Variants in ADAM17 observed in about 807,000 individuals in gnomAD.
ADAM17 encodes disintegrin and metalloproteinase domain-containing protein 17.
Under a neutral mutation model 96.7 loss-of-function variants are expected in ADAM17, and 39 were observed. The ratio of observed to expected loss-of-function variants is 0.40; its 90% confidence interval spans 0.31 to 0.53. The LOEUF is 0.53. Among genes scored for constraint, ADAM17 ranks in the 20% least tolerant of loss-of-function variants. The pLI is 0.44. For missense variants in ADAM17, 777 were observed against 1,013.2 expected (o/e 0.77, Z 3.17); for synonymous variants, 344 against 359.2 (o/e 0.96, Z 0.48).
intron 1 of ADAM17, among the ~76,000 whole-genome samples, chr2:9,553,037 T>C (rs1035860077): frequency 6.6e-6 from 1 of 152,076 alleles, no homozygotes; most frequent in Non-Finnish European, 1.5e-5. Flanking sequence ...TAAGGTTAAG[T>C]AACAAATTAT....
chr2:9,514,549 AT>A (rs1358691293), intron 10 of ADAM17, among the ~76,000 whole-genome samples: 4 of 96,956 alleles, frequency 4.1e-5, no homozygotes, highest in South Asian at 3.4e-4. Flanking sequence ...ATATATATAT[AT>A]ATATATATAT....
Position 9,517,946 on chromosome 2 carries a change from A to G in ADAM17, c.1146T>C (p.Ser382=), listed in dbSNP as rs1347846023. The change falls in exon 10 of 19, where the codon AGT becomes AGC. Residue 382 remains serine (S), a synonymous_variant. Coordinates refer to ENST00000310823, the MANE Select transcript of ADAM17 (RefSeq NM_003183.6). ...PVGKKNIYLN[S]GLTSTKNYGK... ...CATAATTCTTTGTGCTCGTCAAACC[A>G]CTATTCAAATAGATATTTTTCTTCC... 1 of 1,604,780 alleles carries G rather than the reference A, an allele frequency of 6.2e-7. No individual in the cohort carries two copies. Among genetic ancestry groups the G allele is most frequent in the East Asian group, 2.2e-5 (1 of 44,728 alleles).
In ADAM17 at chr2:9,490,043, CA is replaced by C; in HGVS notation, c.*133del. 2 of 808,250 alleles carry C rather than the reference CA, an allele frequency of 2.5e-6. No individual in the cohort carries two copies. Among genetic ancestry groups the C allele is most frequent in the South Asian group, 2.0e-5 (1 of 49,998 alleles). 50.1% of individuals were successfully genotyped at this position (808,250 alleles called of 1,614,324 possible). A position where few individuals can be genotyped will look rare whatever the true frequency, so the allele number is the denominator to read the frequency against. The stretch of plus-strand genomic sequence containing the variant: ...AAACCACACAAGAACTGTTTACCTG[CA>C]GGAAGTTCAAACACATGACCAGCAT... On this transcript the variant is annotated 3_prime_UTR_variant, in exon 19 of 19. Coordinates refer to ENST00000310823, the MANE Select transcript of ADAM17 (RefSeq NM_003183.6).
At chr2:9,552,116 G>A (rs770291940) in intron 1 of ADAM17, among the ~76,000 whole-genome samples, 4 of 152,154 alleles carry the variant, frequency 2.6e-5, no homozygotes, top group Non-Finnish European at 5.9e-5. Context: ...TTACCTCAAT[G>A]AAGCCCATTC....
Position 9,536,704 on chromosome 2 carries a change from C to T in ADAM17, c.355G>A (p.Val119Met), listed in dbSNP as rs911483021. Residue 119 changes from valine (V) to methionine (M), a missense_variant, in exon 3 of 19, where the codon GTG becomes ATG. Val to Met is a conservative substitution (Grantham distance 21). Around this residue, in one of 3 missense-constraint regions of ADAM17, gnomAD observed 446 missense variants for 664.7 expected, o/e 0.67. Coordinates refer to ENST00000310823, the MANE Select transcript of ADAM17 (RefSeq NM_003183.6). ...CAACAAGCTCCATACTAACCAACCACGTGTCCAGTGAAGAAGTCCTGCCAT... is the reference window on the plus strand; with the variant it reads ...CAACAAGCTCCATACTAACCAACCATGTGTCCAGTGAAGAAGTCCTGCCAT... The part of the protein sequence containing the change: ...VKWQDFFTGH[V>M]VGEPDSRVLA... The T allele has an allele frequency of 4.3e-6, 7 of 1,613,850 alleles. No homozygotes were observed. The highest frequency in any genetic ancestry group is 4.0e-5 in the African/African-American group (3 of 74,890).
chr2:9,514,522 T>TAA (rs1420848241), intron 10 of ADAM17, among the ~76,000 whole-genome samples: 19 of 3,952 alleles, frequency 4.8e-3, no homozygotes, highest in African/African-American at 0.025. Context: ...AATATAAATA[T>TAA]ATATATATAT....
intron 2 of ADAM17, among the ~76,000 whole-genome samples, chr2:9,542,606 G>T (rs74370683): frequency 0.01 from 1,544 of 151,928 alleles, 24 homozygotes; most frequent in African/African-American, 0.036. Flanking sequence ...TTTAAATTAT[G>T]TTAGAATTTT....
intron 6 of ADAM17, among the ~76,000 whole-genome samples, chr2:9,524,701 G>A (rs1055806103): frequency 6.6e-6 from 1 of 152,116 alleles, no homozygotes; most frequent in Non-Finnish European, 1.5e-5. Flanking sequence ...ACCCCAAAAA[G>A]TTCAGCACTG....
At chr2:9,530,067 ATTATATGCATATACATC>A (rs1053714011) in intron 4 of ADAM17, among the ~76,000 whole-genome samples, 1 of 152,204 alleles carries the variant, frequency 6.6e-6, no homozygotes, top group Non-Finnish European at 1.5e-5. Context: ...ACTGTTAAAT[ATTATATGCATATACATC>A]TTTGGTAATC....
At chr2:9,555,370 C>A (rs527627488) in intron 1 of ADAM17, 139 bp downstream of exon 1, 16 of 642,910 alleles carry the variant, frequency 2.5e-5, no homozygotes, top group Middle Eastern at 4.4e-4. Context: ...AGCCACACCC[C>A]CTTCTACACT....
intron 8 of ADAM17, among the ~76,000 whole-genome samples, chr2:9,520,288 A>C (rs1664252549): frequency 6.6e-6 from 1 of 152,240 alleles, no homozygotes; most frequent in African/African-American, 2.4e-5. Flanking sequence ...AAGTCATTCT[A>C]CACCAAAGTA....
intron 15 of ADAM17, 31 bp downstream of exon 15, chr2:9,494,606 G>A (rs1662420251): frequency 1.9e-6 from 3 of 1,607,676 alleles, no homozygotes; most frequent in Non-Finnish European, 2.5e-6. Context: ...CTATCTGGCT[G>A]TTACAGAAAA....
rs760026389 is a variant in ADAM17 at position 9,510,070 on chromosome 2, T to C, written c.1253A>G (p.Asp418Gly). 4.3e-6 allele frequency: 7 copies of C among 1,614,050 alleles called. No homozygotes were observed. The South Asian group carries it at 7.7e-5, about 18-fold the overall frequency. Reference protein sequence around the residue: ...GHNFGAEHDPDGLAECAPNED... With the variant: ...GHNFGAEHDPGGLAECAPNED... ...ATTCGGGGCACATTCTGCTAGACCA[T>C]CCGGATCATGTTCTGCTCCAAAATT... The change falls in exon 11 of 19, where the codon GAT becomes GGT. Residue 418 changes from aspartate (D) to glycine (G), a missense_variant. Physicochemically the swap from Asp to Gly is moderately conservative, Grantham distance 94. This residue lies in a region of ADAM17 where 446 missense variants were observed against 664.7 expected (regional missense o/e 0.67). Transcript: ENST00000310823.
At chr2:9,520,729 C>T (rs13034620) in intron 8 of ADAM17, among the ~76,000 whole-genome samples, 23,751 of 151,706 alleles carry the variant, frequency 0.16, 1,980 homozygotes, top group African/African-American at 0.2. Context: ...TTTGGGAGGC[C>T]GAGGCAGACG....
intron 9 of ADAM17, 39 bp downstream of exon 9, chr2:9,518,064 T>A (rs1361213057): frequency 6.3e-7 from 1 of 1,575,396 alleles, no homozygotes; most frequent in Non-Finnish European, 8.6e-7. Flanking sequence ...ATCTTAATAA[T>A]CCCAGCAGCA....
At chr2:9,501,837 G>GGT (rs1663025056) in intron 13 of ADAM17, among the ~76,000 whole-genome samples, 1 of 151,870 alleles carries the variant, frequency 6.6e-6, no homozygotes, top group Admixed American at 6.6e-5. Flanking sequence ...GTAAATTTAA[G>GGT]GTAGAATATC....
At chr2:9,516,414 CTT>C (rs1459774930) in intron 10 of ADAM17, among the ~76,000 whole-genome samples, 1 of 152,058 alleles carries the variant, frequency 6.6e-6, no homozygotes, top group East Asian at 1.9e-4. Flanking sequence ...AGATAGCAGT[CTT>C]TTCTCAGATG....
At chr2:9,543,825 T>C (rs918666998) in intron 1 of ADAM17, among the ~76,000 whole-genome samples, 5 of 152,182 alleles carry the variant, frequency 3.3e-5, no homozygotes, top group African/African-American at 7.2e-5. Context: ...AAATACAGTT[T>C]GATTAGTAAG....
intron 8 of ADAM17, 123 bp downstream of exon 8, chr2:9,521,080 C>T: frequency 1.5e-6 from 1 of 665,730 alleles, no homozygotes; most frequent in Non-Finnish European, 2.6e-6. Flanking sequence ...GCTGGATCAG[C>T]TGGAGGAGAC....
Sources: allele counts gnomAD v4.1 joint callset (sites outside exome capture counted in the v4.1 genomes callset), GRCh38; gene constraint gnomAD v4.1.1; regional missense constraint gnomAD v4.1.1; transcripts MANE v1.5; gene names NCBI Gene and HGNC (gene_info 2026-07-23, HGNC 2026-07-21).